Variants in ANKRD30BL observed in about 807,000 individuals in gnomAD.
ANKRD30BL encodes the protein ankyrin repeat domain 30B like, also known as putative ankyrin repeat domain-containing protein 30B-like.
A neutral mutation model predicts 18.4 loss-of-function variants in ANKRD30BL; 20 were observed. The ratio of observed to expected loss-of-function variants is 1.09; its 90% CI spans 0.77 to 1.58. ANKRD30BL has a LOEUF of 1.58. ANKRD30BL is among the 40% of genes most tolerant of loss of function. The probability of loss-of-function intolerance (pLI) is 0.00; values close to 1 mark genes in which losing one functional copy is unlikely to be tolerated. For missense variants in ANKRD30BL, 224 were observed against 268.6 expected (o/e 0.83, Z 1.16); for synonymous variants, 72 against 100.9 (o/e 0.71, Z 1.72).
intron 1 of ANKRD30BL, among the ~76,000 whole-genome samples, chr2:132,174,493 G>C (rs1425037707): frequency 6.6e-6 from 1 of 151,988 alleles, no homozygotes; most frequent in Non-Finnish European, 1.5e-5. Flanking sequence ...CCTCAGGACA[G>C]ATCAGCAATT....
At position 132,150,902 on chromosome 2, in the gene ANKRD30BL, G is replaced by A. The variant is rs1303301051; in HGVS notation, c.679+10C>T. On this transcript the variant is annotated intron_variant, in intron 5 of 5. Transcript: ENST00000409867. ...CACCACCAAGAGTAGTTTACTATCA[G>A]AGGTCTTACCTGGATTACTATTTTG... is the stretch of plus-strand genomic sequence containing the variant. 1.7e-6 allele frequency: 1 copy of A among 604,996 alleles called. No homozygotes were observed. The highest frequency in any genetic ancestry group is 2.9e-6 in the Non-Finnish European group (1 of 342,710). 37.5% of individuals were successfully genotyped at this position (604,996 alleles called of 1,614,324 possible).
At chr2:132,235,699 G>A (rs200338266) in intron 1 of ANKRD30BL, among the ~76,000 whole-genome samples, 7 of 151,998 alleles carry the variant, frequency 4.6e-5, no homozygotes, top group East Asian at 1.9e-4. Context: ...GGATACAAAC[G>A]AATGGAAGAA....
intron 1 of ANKRD30BL, 116 bp downstream of exon 1, chr2:132,161,372 G>A (rs375634667): frequency 1.8e-4 from 188 of 1,054,116 alleles, no homozygotes; most frequent in Non-Finnish European, 2.5e-4. Flanking sequence ...CCCGCTGCCC[G>A]CCACTCCTCC....
At chr2:132,253,937 G>A (rs962711217) in intron 1 of ANKRD30BL, among the ~76,000 whole-genome samples, 4 of 152,016 alleles carry the variant, frequency 2.6e-5, no homozygotes, top group African/African-American at 9.7e-5. Context: ...GCAGCGATGG[G>A]AACCTGGCCA....
intron 1 of ANKRD30BL, among the ~76,000 whole-genome samples, chr2:132,191,975 AC>A (rs1357709722): frequency 2.6e-5 from 4 of 151,930 alleles, no homozygotes; most frequent in African/African-American, 7.3e-5. Context: ...CGATCTCCTG[AC>A]CTTGTGATTC....
At chr2:132,222,408 G>A (rs1679716950) in intron 1 of ANKRD30BL, among the ~76,000 whole-genome samples, 1 of 151,994 alleles carries the variant, frequency 6.6e-6, no homozygotes, top group African/African-American at 2.4e-5. Context: ...GGAAGGTTGG[G>A]GAAAAAATTG....
rs186130080 is a variant in ANKRD30BL at position 132,158,246 on chromosome 2, T to C, written c.219-823A>G. Among the ~76,000 whole-genome samples the C allele has an allele frequency of 9.0e-4, 137 of 152,240 alleles. 1 individual carries two copies. The East Asian group carries it at 0.016, about 18-fold the overall frequency. Reference sequence around the variant, plus strand: ...AAAACAAACTGTTAAAACAAAGTACTTCTTTAATATTTTTAAAACTTCAAG... The same window carrying C: ...AAAACAAACTGTTAAAACAAAGTACCTCTTTAATATTTTTAAAACTTCAAG... On this transcript the variant is annotated intron_variant, in intron 1 of 5. Coordinates refer to ENST00000409867, the MANE Select transcript of ANKRD30BL (RefSeq NM_001358416.1).
chr2:132,214,174 A>G (rs940547662), intron 1 of ANKRD30BL, among the ~76,000 whole-genome samples: 3 of 152,094 alleles, frequency 2.0e-5, no homozygotes, highest in Non-Finnish European at 2.9e-5. Context: ...TAAAAACTAT[A>G]CAGAAACATT....
At chr2:132,204,195 A>G (rs1032250435) in intron 1 of ANKRD30BL, among the ~76,000 whole-genome samples, 25 of 152,036 alleles carry the variant, frequency 1.6e-4, no homozygotes, top group African/African-American at 5.8e-4. Context: ...AAGGAGTAAA[A>G]GGAGAGTAAT....
intron 1 of ANKRD30BL, among the ~76,000 whole-genome samples, chr2:132,233,972 T>G (rs1680086270): frequency 6.6e-6 from 1 of 152,036 alleles, no homozygotes; most frequent in Non-Finnish European, 1.5e-5. Flanking sequence ...AGAACAGAAA[T>G]TATAACCAAC....
chr2:132,172,161 G>A (rs375388659), intron 1 of ANKRD30BL, among the ~76,000 whole-genome samples: 5 of 152,106 alleles, frequency 3.3e-5, no homozygotes, highest in African/African-American at 9.7e-5. Context: ...TTTGGTTACT[G>A]TAAATCATGG....
Position 132,227,915 on chromosome 2 carries a change from A to G in ANKRD30BL, n.441+29614T>C, listed in dbSNP as rs557830968. On this transcript the variant is annotated intron_variant and non_coding_transcript_variant, in intron 1 of 4. Coordinates refer to the ANKRD30BL transcript ENST00000470729. ...TTTGCAGCCTAAGTTAGAAAAGGAA[A>G]TATCCTCACATAAAATCTAGACAGA... Among the ~76,000 whole-genome samples the G allele has an allele frequency of 2.0e-3, 302 of 152,206 alleles. 1 individual carries two copies. The highest frequency in any genetic ancestry group is 6.8e-3 in the African/African-American group (283 of 41,564).
At chr2:132,180,030 T>C (rs2104946849) in intron 1 of ANKRD30BL, among the ~76,000 whole-genome samples, 1 of 152,272 alleles carries the variant, frequency 6.6e-6, no homozygotes, top group South Asian at 2.1e-4. Context: ...AGCTAATTTA[T>C]TATTGATAAA....
chr2:132,189,124 C>A (rs1313935598), intron 1 of ANKRD30BL, among the ~76,000 whole-genome samples: 2 of 152,138 alleles, frequency 1.3e-5, no homozygotes, highest in Admixed American at 6.5e-5. Context: ...CAATAGAAAG[C>A]CCCAGCAGTT....
chr2:132,164,269 C>CTTTTCTTTT (rs1438777753), upstream of ANKRD30BL, among the ~76,000 whole-genome samples: 1 of 112,220 alleles, frequency 8.9e-6, no homozygotes, highest in African/African-American at 3.4e-5. Flanking sequence ...TTTTCTTTTT[C>CTTTTCTTTT]TTTTTTTTTT....
chr2:132,206,847 A>G (rs934082715), intron 1 of ANKRD30BL, among the ~76,000 whole-genome samples: 1 of 152,280 alleles, frequency 6.6e-6, no homozygotes, highest in Non-Finnish European at 1.5e-5. Context: ...AGGACCTGGG[A>G]AAAAATCCTT....
chr2:132,235,223 C>A (rs1680122206), intron 1 of ANKRD30BL, among the ~76,000 whole-genome samples: 1 of 152,104 alleles, frequency 6.6e-6, no homozygotes, highest in South Asian at 2.1e-4. Flanking sequence ...AAACCCACAG[C>A]CAATATCATA....
At chr2:132,208,620 A>C (rs1489637487) in intron 1 of ANKRD30BL, among the ~76,000 whole-genome samples, 1 of 151,962 alleles carries the variant, frequency 6.6e-6, no homozygotes, top group Non-Finnish European at 1.5e-5. Context: ...AATTTCAGCT[A>C]TTTACCATTT....
chr2:132,148,134 T>C lies in ANKRD30BL; in HGVS notation c.774A>G (p.Glu258=). Residue 258 remains glutamate (E), a synonymous_variant, in exon 6 of 6, where the codon GAA becomes GAG. Coordinates refer to ENST00000409867, the MANE Select transcript of ANKRD30BL (RefSeq NM_001358416.1). Reference sequence around the variant, plus strand: ...TTGAAGAGGAATTCACTGTATCCTATTCATCAGGTGTTCTTTCCACCAAGC... The same window carrying C: ...TTGAAGAGGAATTCACTGTATCCTACTCATCAGGTGTTCTTTCCACCAAGC... The part of the protein sequence containing the change: ...AESLVERTPD[E] The C allele has an allele frequency of 6.3e-7, 1 of 1,584,266 alleles. No individual in the cohort carries two copies. The highest frequency in any genetic ancestry group is 8.6e-7 in the Non-Finnish European group (1 of 1,162,076).
Sources: gnomAD v4.1 joint callset for allele counts (sites outside exome capture counted in the v4.1 genomes callset) on GRCh38, gnomAD v4.1.1 for gene constraint, MANE v1.5 for transcripts, NCBI Gene and HGNC (gene_info 2026-07-23, HGNC 2026-07-21) for gene names.